Variants in ZFHX3 observed in about 807,000 individuals in gnomAD.
The protein encoded by ZFHX3 is zinc finger homeobox protein 3.
ZFHX3 carries 42 observed loss-of-function variants against 279.1 expected under a neutral mutation model. The ratio of observed to expected loss-of-function variants is 0.15; its 90% CI spans 0.12 to 0.19. ZFHX3 has a LOEUF of 0.19. Ranked by LOEUF, ZFHX3 falls within the 10% of genes least tolerant of loss-of-function variation. The pLI, the probability that ZFHX3 is intolerant of heterozygous loss-of-function variation, is 1.00. For synonymous variants in ZFHX3, 2,293 were observed against 1,957.8 expected, an observed-to-expected ratio of 1.17 and a Z score of -4.52; for missense variants, 4,981 against 4,754.0, an observed-to-expected ratio of 1.05 and a Z score of -1.40.
intron 3 of ZFHX3, among the ~76,000 whole-genome samples, chr16:73,330,380 G>C (rs1331292209): frequency 2.0e-5 from 3 of 152,190 alleles, no homozygotes; most frequent in Admixed American, 2.0e-4. Context: ...AAAGGGGATT[G>C]ATTACACGTG....
chr16:73,530,041 G>C (rs1034165751), intron 2 of ZFHX3, among the ~76,000 whole-genome samples: 2 of 152,120 alleles, frequency 1.3e-5, no homozygotes, highest in East Asian at 3.9e-4. Flanking sequence ...GCTGCTGATA[G>C]AGACATAGCT....
chr16:73,754,279 G>A (rs2053787046), intron 1 of ZFHX3, among the ~76,000 whole-genome samples: 1 of 152,068 alleles, frequency 6.6e-6, no homozygotes, highest in Admixed American at 6.5e-5. Context: ...TGGGTGTGTT[G>A]TAGACCTATC....
At chr16:72,924,903 T>A (rs1400541687) in intron 3 of ZFHX3, among the ~76,000 whole-genome samples, 1 of 152,172 alleles carries the variant, frequency 6.6e-6, no homozygotes, top group African/African-American at 2.4e-5. Context: ...TCAGTCCCAT[T>A]TCCTCCTACC....
intron 3 of ZFHX3, among the ~76,000 whole-genome samples, chr16:73,451,104 G>A (rs1695173043): frequency 6.6e-6 from 1 of 152,148 alleles, no homozygotes; most frequent in Non-Finnish European, 1.5e-5. Context: ...CAGGATACAT[G>A]TTTGGAGCAA....
At chr16:73,098,916 C>T (rs935194507) in intron 7 of ZFHX3, 3 of 152,190 alleles carry the variant, frequency 2.0e-5, no homozygotes, top group African/African-American at 4.8e-5. Flanking sequence ...CTTGATAAAA[C>T]AAGCTGCTTC....
chr16:73,120,650 CTT>C (rs1174733016), intron 7 of ZFHX3, among the ~76,000 whole-genome samples: 26 of 110,714 alleles, frequency 2.3e-4, no homozygotes, highest in Middle Eastern at 6.4e-3. Flanking sequence ...TCCTCTCTAC[CTT>C]TTTTTTTTTT....
At chr16:72,927,801 A>G (rs985236628) in intron 3 of ZFHX3, among the ~76,000 whole-genome samples, 2 of 152,038 alleles carry the variant, frequency 1.3e-5, no homozygotes, top group African/African-American at 4.8e-5. Flanking sequence ...ACTAACCACA[A>G]GCCTTTGAGT....
intron 1 of ZFHX3, among the ~76,000 whole-genome samples, chr16:73,718,805 G>A (rs1292277622): frequency 2.0e-5 from 3 of 151,716 alleles, no homozygotes; most frequent in Non-Finnish European, 4.4e-5. Flanking sequence ...TAATAGAGAC[G>A]GGGTTTCGCC....
intron 2 of ZFHX3, among the ~76,000 whole-genome samples, chr16:73,465,836 C>G (rs1309440587): frequency 4.6e-5 from 7 of 152,136 alleles, no homozygotes; most frequent in Admixed American, 4.6e-4. Flanking sequence ...GACTGTGAGA[C>G]TAAGTTCCAG....
At chr16:73,135,906 G>A (rs1794370044) in intron 6 of ZFHX3, among the ~76,000 whole-genome samples, 1 of 150,792 alleles carries the variant, frequency 6.6e-6, no homozygotes, top group Admixed American at 6.6e-5. Flanking sequence ...CGCCCAGGCT[G>A]GAGTACAGTG....
intron 1 of ZFHX3, among the ~76,000 whole-genome samples, chr16:73,018,787 G>C (rs1407233996): frequency 6.6e-6 from 1 of 152,128 alleles, no homozygotes; most frequent in Non-Finnish European, 1.5e-5. Context: ...CTGGCTGTCA[G>C]TTTCCTCAAT....
At chr16:73,291,361 AG>A (rs2014765487) in intron 4 of ZFHX3, among the ~76,000 whole-genome samples, 1 of 152,174 alleles carries the variant, frequency 6.6e-6, no homozygotes, top group Non-Finnish European at 1.5e-5. Context: ...AGTGAAAAAA[AG>A]CTCTCGGAGT....
chr16:72,812,366 G>A lies in ZFHX3; in HGVS notation c.3530-328C>T, dbSNP rs542943851. On this transcript the variant is annotated intron_variant, in intron 5 of 9. Coordinates refer to ENST00000268489, the MANE Select transcript of ZFHX3 (RefSeq NM_006885.4). ...CAATCTAGATACAATCTGCTGGCTT[G>A]TGGGGGGCAGTAGGGCTGAGGGTGG... is the stretch of plus-strand genomic sequence containing the variant. Among the ~76,000 whole-genome samples the A allele has an allele frequency of 4.6e-4, 70 of 152,164 alleles. 2 individuals carry two copies. In the South Asian group the frequency reaches 0.015, roughly 32 times the overall value.
intron 1 of ZFHX3, among the ~76,000 whole-genome samples, chr16:73,742,668 G>A (rs2053669753): frequency 1.3e-5 from 2 of 152,198 alleles, no homozygotes; most frequent in African/African-American, 4.8e-5. Context: ...CAAAATTTGG[G>A]TTTAAGCATA....
intron 1 of ZFHX3, among the ~76,000 whole-genome samples, chr16:73,003,411 G>A (rs1963568683): frequency 1.3e-5 from 2 of 151,748 alleles, no homozygotes; most frequent in Non-Finnish European, 2.9e-5. Context: ...TTTTTTGCTA[G>A]GCACAATGGC....
Position 72,788,357 on chromosome 16 carries a change from A to T in ZFHX3, c.9919T>A (p.Phe3307Ile). 6.2e-7 allele frequency: 1 copy of T among 1,614,152 alleles called. No individual in the cohort carries two copies. Among genetic ancestry groups the T allele is most frequent in the South Asian group, 1.1e-5 (1 of 91,076 alleles). Reference protein sequence around the residue: ...SDPTALLTSQFLPYFVPGFSP... With the variant: ...SDPTALLTSQILPYFVPGFSP... The stretch of plus-strand genomic sequence containing the variant: ...AAGCCTGGTACAAAGTAAGGAAGGA[A>T]CTGGCTTGTGAGCAATGCTGTGGGG... Residue 3307 changes from phenylalanine (F) to isoleucine (I), a missense_variant, in exon 10 of 10, where the codon TTC (phenylalanine) becomes ATC (isoleucine). Around this residue, in one of 7 missense-constraint regions of ZFHX3, gnomAD observed 1,034 missense variants for 786.0 expected, o/e 1.32. Transcript: ENST00000268489.
chr16:73,760,018 TAA>T lies in ZFHX3; in HGVS notation c.-1607-79780_-1607-79779del, dbSNP rs745805659. Among the ~76,000 whole-genome samples, 887 of 146,470 alleles carry T rather than the reference TAA, an allele frequency of 6.1e-3. 8 individuals carry two copies. Among genetic ancestry groups the T allele is most frequent in the African/African-American group, 0.02 (783 of 40,130 alleles). The stretch of plus-strand genomic sequence containing the variant: ...AATGAATCCAGGAGCTGTTTTTTTT[TAA>T]AAAAAAATTAATAAAACAGACAACT... On this transcript the variant is annotated intron_variant, in intron 1 of 17. Coordinates refer to the ZFHX3 transcript ENST00000641206.
chr16:73,311,652 G>A (rs1028592614), intron 4 of ZFHX3, among the ~76,000 whole-genome samples: 5 of 148,772 alleles, frequency 3.4e-5, no homozygotes, highest in South Asian at 2.1e-4. Context: ...CTCTTGATTC[G>A]TAGATAAAAA....
exon 1 of ZFHX3, chr16:73,059,396 A>ACC (rs1567654593): frequency 6.8e-6 from 1 of 146,898 alleles, no homozygotes; most frequent in Admixed American, 6.8e-5. Flanking sequence ...ACACACACAC[A>ACC]CGCACACACA....
Sources: allele counts gnomAD v4.1 joint callset (sites outside exome capture counted in the v4.1 genomes callset), GRCh38; gene constraint gnomAD v4.1.1; regional missense constraint gnomAD v4.1.1; transcripts MANE v1.5; gene names NCBI Gene and HGNC (gene_info 2026-07-23, HGNC 2026-07-21).